FANCA: variants seen among roughly 807,000 people sequenced by gnomAD.
FANCA encodes Fanconi anemia group A protein.
A neutral mutation model predicts 194.3 loss-of-function variants in FANCA; 236 were observed. The ratio of observed to expected loss-of-function variants is 1.21; its 90% CI spans 1.09 to 1.35. The LOEUF (loss-of-function observed/expected upper bound fraction) is 1.35. Among genes scored for constraint, FANCA ranks in the 40% most tolerant of loss-of-function variants. The pLI is 0.00. For missense variants in FANCA, 2,628 were observed against 1,813.9 expected, an observed-to-expected ratio of 1.45 and a Z score of -8.15; for synonymous variants, 1,014 against 715.8, an observed-to-expected ratio of 1.42 and a Z score of -6.65.
chr16:89,791,351 C>T (rs1276942804), intron 14 of FANCA, 52 bp downstream of exon 14: 1 of 1,603,426 alleles, frequency 6.2e-7, no homozygotes, highest in African/African-American at 1.3e-5. Flanking sequence ...TCCCCACTCC[C>T]AGGCCTTCTG....
At chr16:89,776,416 C>T (rs1974571) in intron 20 of FANCA, among the ~76,000 whole-genome samples, 60,565 of 151,206 alleles carry the variant, frequency 0.4, 13,256 homozygotes, top group East Asian at 0.75. Flanking sequence ...ATTCACCTGC[C>T]TCAGCCTCCC....
At chr16:89,809,974 C>G (rs1293867367) in intron 5 of FANCA, among the ~76,000 whole-genome samples, 1 of 151,994 alleles carries the variant, frequency 6.6e-6, no homozygotes, top group Non-Finnish European at 1.5e-5. Context: ...TGCAGTGAGC[C>G]AAGATTGCGC....
intron 14 of FANCA, among the ~76,000 whole-genome samples, chr16:89,789,707 G>A (rs368597754): frequency 6.6e-6 from 1 of 152,068 alleles, no homozygotes; most frequent in Admixed American, 6.6e-5. Flanking sequence ...CCAAACTGCT[G>A]AGATTACAGG....
rs757157897 is a variant in FANCA, at chr16:89,782,918, C to A, written c.1567G>T (p.Val523Phe). The stretch of plus-strand genomic sequence containing the variant: ...TAGAGTCCCATGTTTTCTATAGAAA[C>A]CTTCAGGGAAGACACAGAATGAGAA... ...LAKTRLADLK[V>F]SIENMGLYED... The change falls in exon 17 of 43, where the codon GTT (valine) becomes TTT (phenylalanine). Residue 523 changes from valine (V) to phenylalanine (F), a missense_variant and splice_region_variant. By Grantham distance (50) the Val-to-Phe change is conservative. Coordinates refer to ENST00000389301, the MANE Select transcript of FANCA (RefSeq NM_000135.4). 19 of 1,614,032 alleles carry A rather than the reference C, an allele frequency of 1.2e-5. No homozygotes were observed. The South Asian group carries it at 2.0e-4, about 17-fold the overall frequency.
intron 17 of FANCA, among the ~76,000 whole-genome samples, chr16:89,782,452 A>C (rs2039752238): frequency 6.6e-6 from 1 of 151,872 alleles, no homozygotes; most frequent in African/African-American, 2.4e-5. Context: ...CAGAGGTTGC[A>C]GTGAGCCGAG....
In FANCA at chr16:89,812,202, G is replaced by C. The variant is rs566157504; in HGVS notation, c.284-1131C>G. On this transcript the variant is annotated intron_variant, in intron 3 of 42. Transcript: ENST00000389301. ...CACAAAAACAAAATTAGCCAGGTTT[G>C]GTGACGGGAGCCTGTAGTCCCAGCT... is the stretch of plus-strand genomic sequence containing the variant. 6.6e-5 allele frequency among the ~76,000 whole-genome samples: 10 copies of C among 151,864 alleles called. No homozygotes were observed. The South Asian group carries it at 8.4e-4, about 13-fold the overall frequency.
chr16:89,761,450 T>C (rs1308685021), intron 29 of FANCA, among the ~76,000 whole-genome samples: 5 of 141,080 alleles, frequency 3.5e-5, no homozygotes, highest in African/African-American at 1.1e-4. Context: ...AAAACAGAAA[T>C]TGCCACCGCG....
At chr16:89,748,168 A>G (rs2038454796) in intron 33 of FANCA, among the ~76,000 whole-genome samples, 1 of 152,122 alleles carries the variant, frequency 6.6e-6, no homozygotes, top group African/African-American at 2.4e-5. Flanking sequence ...ACCTTTCCAG[A>G]GTGCTGGGAT....
intron 39 of FANCA, 105 bp from the exon 40 acceptor site, chr16:89,739,658 GT>G: frequency 6.6e-7 from 1 of 1,508,168 alleles, no homozygotes; most frequent in Non-Finnish European, 9.0e-7. Context: ...AGGCCTGGCT[GT>G]GGGGATAGTG....
chr16:89,815,743 G>C, intron 2 of FANCA, 134 bp downstream of exon 2: 1 of 767,240 alleles, frequency 1.3e-6, no homozygotes, highest in East Asian at 2.5e-5. Context: ...CCCGGGCTCA[G>C]GCGACCCTCC....
chr16:89,794,281 G>A (rs2040170673), intron 11 of FANCA, among the ~76,000 whole-genome samples: 1 of 152,126 alleles, frequency 6.6e-6, no homozygotes, highest in Non-Finnish European at 1.5e-5. Flanking sequence ...GTCAGGCTAG[G>A]TGGCTCACGC....
intron 10 of FANCA, among the ~76,000 whole-genome samples, chr16:89,797,278 C>A (rs2143568516): frequency 6.6e-6 from 1 of 152,250 alleles, no homozygotes; most frequent in South Asian, 2.1e-4. Context: ...TTGTAGTAAA[C>A]CGAGATCGTG....
chr16:89,813,885 A>G (rs145019014), intron 3 of FANCA, among the ~76,000 whole-genome samples: 249 of 152,088 alleles, frequency 1.6e-3, no homozygotes, highest in African/African-American at 5.9e-3. Context: ...GAAAAAAACA[A>G]ACTCAAAAAT....
rs560872362 is a variant in FANCA at position 89,760,233 on chromosome 16, C to T, written c.2853-1528G>A. On this transcript the variant is annotated intron_variant, in intron 29 of 42. Transcript: ENST00000389301. Reference sequence around the variant, plus strand: ...CCCAGAGAGCAGCCGGGAGGAGAAACGGGGGTGAGTGAAGGAAGCGCCTGC... The same window carrying T: ...CCCAGAGAGCAGCCGGGAGGAGAAATGGGGGTGAGTGAAGGAAGCGCCTGC... Among the ~76,000 whole-genome samples the T allele has an allele frequency of 7.9e-5, 12 of 152,356 alleles. No individual in the cohort carries two copies. In the South Asian group the frequency reaches 2.1e-3, roughly 26 times the overall value.
chr16:89,739,559 A>G lies in FANCA; in HGVS notation c.3935-6T>C, dbSNP rs368376237. 146 of 1,551,002 alleles carry G rather than the reference A, an allele frequency of 9.4e-5. 3 individuals are homozygous for G. In the East Asian group the frequency reaches 1.8e-3, roughly 19 times the overall value. ...GAGCCGCCCCAGCCTGAGGTCTGCA[A>G]CACCAAGAAGTGGCTCAGGCAACTC... On this transcript the variant is annotated splice_region_variant and splice_polypyrimidine_tract_variant and intron_variant, in intron 39 of 42. Transcript: ENST00000389301.
At chr16:89,806,495 G>C (rs1390212842) in intron 6 of FANCA, among the ~76,000 whole-genome samples, 4 of 151,828 alleles carry the variant, frequency 2.6e-5, no homozygotes, top group Non-Finnish European at 5.9e-5. Context: ...AGGACCCTGA[G>C]GCCTTCTGCA....
At chr16:89,799,302 G>C in intron 9 of FANCA, 70 bp from the exon 10 acceptor site, 1 of 1,582,124 alleles carries the variant, frequency 6.3e-7, no homozygotes, top group Middle Eastern at 2.0e-4. Flanking sequence ...ACAATCCCCA[G>C]GCGCTTTCAG....
intron 32 of FANCA, among the ~76,000 whole-genome samples, chr16:89,749,112 C>T (rs552054229): frequency 7.2e-5 from 11 of 152,224 alleles, no homozygotes; most frequent in African/African-American, 9.6e-5. Context: ...AATGACTCCA[C>T]GCTGCTTCTT....
chr16:89,773,456 A>T, intron 21 of FANCA, 72 bp from the exon 22 acceptor site: 1 of 1,089,014 alleles, frequency 9.2e-7, no homozygotes, highest in Non-Finnish European at 1.4e-6. Context: ...TAGAAACTTC[A>T]CACAGTCAAA....
Sources: allele counts gnomAD v4.1 joint callset (sites outside exome capture counted in the v4.1 genomes callset), GRCh38; gene constraint gnomAD v4.1.1; transcripts MANE v1.5; gene names NCBI Gene and HGNC (gene_info 2026-07-23, HGNC 2026-07-21).